The following BACH2 variants were observed in gnomAD, a reference collection of about 807,000 sequenced individuals.
The protein encoded by BACH2 is BACH transcriptional regulator 2.
A neutral mutation model predicts 61.8 loss-of-function variants in BACH2; 5 were observed. That is an observed-to-expected ratio of 0.08 (90% CI 0.04 to 0.17). BACH2 has a LOEUF of 0.17. BACH2 is among the 10% of genes least tolerant of loss of function. The pLI, the probability that BACH2 is intolerant of heterozygous loss-of-function variation, is 1.00. For missense variants in BACH2, 824 were observed against 1,091.1 expected (o/e 0.76, Z 3.45); for synonymous variants, 446 against 440.1 (o/e 1.01, Z -0.17).
At chr6:90,133,683 C>T (rs1424501388) in intron 4 of BACH2, among the ~76,000 whole-genome samples, 2 of 151,976 alleles carry the variant, frequency 1.3e-5, no homozygotes, top group Non-Finnish European at 2.9e-5. Context: ...TAATGCTATC[C>T]CTCCACCCTC....
chr6:89,997,277 C>T (rs964548834), intron 6 of BACH2, among the ~76,000 whole-genome samples: 1 of 152,166 alleles, frequency 6.6e-6, no homozygotes, highest in Non-Finnish European at 1.5e-5. Flanking sequence ...TACATGAACA[C>T]CTTGTGAATT....
At chr6:90,284,077 T>G (rs1446045770) in intron 1 of BACH2, among the ~76,000 whole-genome samples, 1 of 152,160 alleles carries the variant, frequency 6.6e-6, no homozygotes, top group Non-Finnish European at 1.5e-5. Flanking sequence ...AATATACATG[T>G]TGGTCTTACA....
intron 2 of BACH2, among the ~76,000 whole-genome samples, chr6:90,265,534 T>C (rs1394745868): frequency 6.6e-6 from 1 of 152,226 alleles, no homozygotes; most frequent in Non-Finnish European, 1.5e-5. Flanking sequence ...ATCCTGAACA[T>C]GGCTGTCTTA....
intron 4 of BACH2, among the ~76,000 whole-genome samples, chr6:90,094,342 G>C (rs920528720): frequency 1.3e-5 from 2 of 152,154 alleles, no homozygotes; most frequent in Admixed American, 6.6e-5. Context: ...GATGAGGAAA[G>C]CCCCATTTGC....
intron 4 of BACH2, among the ~76,000 whole-genome samples, chr6:90,147,319 C>A (rs1324098936): frequency 2.0e-5 from 3 of 152,166 alleles, no homozygotes; most frequent in Non-Finnish European, 4.4e-5. Flanking sequence ...TGCCACGTCC[C>A]TGCTCTCTGC....
At chr6:90,040,867 T>C (rs945280798) in intron 5 of BACH2, among the ~76,000 whole-genome samples, 7 of 152,228 alleles carry the variant, frequency 4.6e-5, no homozygotes, top group African/African-American at 1.7e-4. Context: ...TTATATCTTC[T>C]AATCAGCTGT....
chr6:90,140,331 T>C lies in BACH2; in HGVS notation c.-161-51222A>G, dbSNP rs77639934. Among the ~76,000 whole-genome samples, 622 of 152,268 alleles carry C rather than the reference T, an allele frequency of 4.1e-3. 6 individuals are homozygous for C. Among genetic ancestry groups the C allele is most frequent in the African/African-American group, 0.014 (599 of 41,578 alleles). On this transcript the variant is annotated intron_variant, in intron 4 of 8. Coordinates refer to ENST00000257749, the MANE Select transcript of BACH2 (RefSeq NM_021813.4). Reference sequence around the variant, plus strand: ...AAGCTACTTGGTGTCAAACTAGCAGTGTCTCCCATAATGAAGGCTTTGCAA... The same window carrying C: ...AAGCTACTTGGTGTCAAACTAGCAGCGTCTCCCATAATGAAGGCTTTGCAA...
chr6:90,248,388 G>A (rs1770703358), intron 3 of BACH2, among the ~76,000 whole-genome samples: 1 of 152,180 alleles, frequency 6.6e-6, no homozygotes, highest in Non-Finnish European at 1.5e-5. Flanking sequence ...ACATACAGCA[G>A]ACAAAATAGC....
chr6:90,141,162 C>T (rs922320998), intron 4 of BACH2, among the ~76,000 whole-genome samples: 5 of 151,970 alleles, frequency 3.3e-5, no homozygotes, highest in African/African-American at 9.7e-5. Flanking sequence ...AAATGTATTG[C>T]GTGATACATT....
intron 4 of BACH2, among the ~76,000 whole-genome samples, chr6:90,110,259 A>G (rs1439101054): frequency 6.6e-6 from 1 of 152,256 alleles, no homozygotes; most frequent in Non-Finnish European, 1.5e-5. Flanking sequence ...CCAGAAATCA[A>G]CAAGTGGTAG....
chr6:90,103,408 C>G (rs1196319993), intron 4 of BACH2, among the ~76,000 whole-genome samples: 1 of 152,048 alleles, frequency 6.6e-6, no homozygotes, highest in Non-Finnish European at 1.5e-5. Context: ...TCAGCATTAT[C>G]TGGTTATCGG....
At chr6:90,290,452 T>C (rs917496495) in intron 1 of BACH2, among the ~76,000 whole-genome samples, 1 of 152,216 alleles carries the variant, frequency 6.6e-6, no homozygotes, top group Non-Finnish European at 1.5e-5. Context: ...AGATACTCAG[T>C]ATATATTTGT....
intron 4 of BACH2, among the ~76,000 whole-genome samples, chr6:90,128,848 G>T (rs1422264052): frequency 6.6e-6 from 1 of 152,174 alleles, no homozygotes; most frequent in Non-Finnish European, 1.5e-5. Context: ...TTAAGAAAAT[G>T]TGGCACATAT....
At chr6:89,971,555 A>T (rs1350351084) in intron 6 of BACH2, among the ~76,000 whole-genome samples, 2 of 152,200 alleles carry the variant, frequency 1.3e-5, no homozygotes, top group Non-Finnish European at 2.9e-5. Flanking sequence ...TACGGTTCTT[A>T]CTTACAGGGT....
At chr6:90,103,333 C>A (rs1782759318) in intron 4 of BACH2, among the ~76,000 whole-genome samples, 2 of 151,952 alleles carry the variant, frequency 1.3e-5, no homozygotes. Flanking sequence ...TCCTCCCAGG[C>A]ACCAAGATCC....
intron 2 of BACH2, among the ~76,000 whole-genome samples, chr6:90,253,439 T>C (rs762818697): frequency 3.9e-5 from 6 of 152,178 alleles, no homozygotes; most frequent in Non-Finnish European, 7.3e-5. Flanking sequence ...AACTGATAAT[T>C]AGAATTATTT....
chr6:90,259,164 A>C (rs992813854), intron 2 of BACH2, among the ~76,000 whole-genome samples: 1 of 152,112 alleles, frequency 6.6e-6, no homozygotes, highest in Non-Finnish European at 1.5e-5. Flanking sequence ...TCATGGAAAA[A>C]CTTTCAGTTT....
intron 5 of BACH2, among the ~76,000 whole-genome samples, chr6:90,010,413 T>C (rs1184533379): frequency 6.6e-6 from 1 of 152,250 alleles, no homozygotes; most frequent in African/African-American, 2.4e-5. Flanking sequence ...CATTCATCCA[T>C]GTTGCTGCAT....
At chr6:90,201,596 G>A (rs554877963) in intron 4 of BACH2, among the ~76,000 whole-genome samples, 71 of 152,168 alleles carry the variant, frequency 4.7e-4, no homozygotes, top group African/African-American at 1.7e-3. Context: ...GGTAAATACT[G>A]CCCCAGCTTG....
Sources: allele counts gnomAD v4.1 joint callset (sites outside exome capture counted in the v4.1 genomes callset), GRCh38; gene constraint gnomAD v4.1.1; transcripts MANE v1.5; gene names NCBI Gene and HGNC (gene_info 2026-07-23, HGNC 2026-07-21).